The following MAP3K5 variants were observed in gnomAD, a reference collection of about 807,000 sequenced individuals.
MAP3K5 encodes the protein mitogen-activated protein kinase kinase kinase 5.
A neutral mutation model predicts 158.7 loss-of-function variants in MAP3K5; 56 were observed. That is an observed-to-expected ratio of 0.35 (90% CI 0.28 to 0.44). The LOEUF (loss-of-function observed/expected upper bound fraction) is 0.44. Among genes scored for constraint, MAP3K5 ranks in the 20% least tolerant of loss-of-function variants. MAP3K5 has a pLI of 1.00. For synonymous variants in MAP3K5, 579 were observed against 601.7 expected (o/e 0.96, Z 0.55); for missense variants, 1,294 against 1,674.8 (o/e 0.77, Z 3.97).
chr6:136,692,502 T>C (rs556701649), intron 7 of MAP3K5, among the ~76,000 whole-genome samples: 1 of 152,354 alleles, frequency 6.6e-6, no homozygotes, highest in Non-Finnish European at 1.5e-5. Flanking sequence ...GAGTTTATCC[T>C]ATGCGGTGCC....
At chr6:136,585,784 CTATAGG>C (rs1775114477) in intron 23 of MAP3K5, among the ~76,000 whole-genome samples, 1 of 152,154 alleles carries the variant, frequency 6.6e-6, no homozygotes, top group African/African-American at 2.4e-5. Flanking sequence ...AGTGCTGGGA[CTATAGG>C]CATGAGCCAC....
chr6:136,659,443 C>T (rs1457070083), intron 8 of MAP3K5, 65 bp from the exon 9 acceptor site: 1 of 1,448,114 alleles, frequency 6.9e-7, no homozygotes, highest in South Asian at 1.2e-5. Flanking sequence ...CAGGTTTTCA[C>T]TAAAAAGTAA....
chr6:136,760,574 T>C (rs1783703878), intron 1 of MAP3K5, among the ~76,000 whole-genome samples: 1 of 152,226 alleles, frequency 6.6e-6, no homozygotes, highest in African/African-American at 2.4e-5. Flanking sequence ...ATCCATATGT[T>C]GAAATCCTCA....
At chr6:136,750,877 A>T (rs2114921338) in intron 1 of MAP3K5, among the ~76,000 whole-genome samples, 1 of 152,316 alleles carries the variant, frequency 6.6e-6, no homozygotes, top group Middle Eastern at 3.4e-3. Flanking sequence ...ATTCCTACTT[A>T]GTATTTCGGG....
chr6:136,728,801 CTGT>C (rs1185732560), intron 1 of MAP3K5, among the ~76,000 whole-genome samples: 3 of 152,082 alleles, frequency 2.0e-5, no homozygotes, highest in African/African-American at 4.8e-5. Context: ...TGCTGGCTTT[CTGT>C]TGTTGTTGTT....
chr6:136,677,097 T>C (rs1348886078), intron 7 of MAP3K5, among the ~76,000 whole-genome samples: 1 of 150,942 alleles, frequency 6.6e-6, no homozygotes, highest in Non-Finnish European at 1.5e-5. Flanking sequence ...GCTCATTTTG[T>C]TGGTTTTGTA....
At chr6:136,771,567 C>A (rs1784200492) in intron 1 of MAP3K5, among the ~76,000 whole-genome samples, 2 of 152,202 alleles carry the variant, frequency 1.3e-5, no homozygotes, top group South Asian at 4.1e-4. Flanking sequence ...ACCCCTTAAT[C>A]TGCATGCAAT....
intron 25 of MAP3K5, 88 bp from the exon 26 acceptor site, chr6:136,567,962 A>G: frequency 2.2e-6 from 3 of 1,363,756 alleles, no homozygotes; most frequent in Non-Finnish European, 3.0e-6. Context: ...CTCCTGCCCC[A>G]CCGTCAATAA....
chr6:136,659,703 C>A (rs1398338989), intron 8 of MAP3K5, among the ~76,000 whole-genome samples: 1 of 152,084 alleles, frequency 6.6e-6, no homozygotes, highest in Non-Finnish European at 1.5e-5. Context: ...ATAGAGGTTA[C>A]TAGGGACTGG....
chr6:136,696,937 CTG>C (rs1780624450), intron 5 of MAP3K5, among the ~76,000 whole-genome samples: 1 of 152,210 alleles, frequency 6.6e-6, no homozygotes, highest in African/African-American at 2.4e-5. Context: ...GTAGAATAGA[CTG>C]TGTCCACAGG....
At position 136,711,917 on chromosome 6, in the gene MAP3K5, CG is replaced by C. The variant is rs1781326337; in HGVS notation, c.589-6785del. ...CCTTTTACACCTCTGTTATTCATGA[CG>C]GGGGCTAAGAACACATCCTTCTCTT... On this transcript the variant is annotated intron_variant, in intron 2 of 29. Transcript: ENST00000359015. Among the ~76,000 whole-genome samples, 3 of 152,162 alleles carry C rather than the reference CG, an allele frequency of 2.0e-5. No individual in the cohort carries two copies. In the South Asian group the frequency reaches 6.2e-4, roughly 32 times the overall value.
At chr6:136,583,907 C>T (rs1411228269) in intron 23 of MAP3K5, among the ~76,000 whole-genome samples, 167 bp from the exon 24 acceptor site, 1 of 152,100 alleles carries the variant, frequency 6.6e-6, no homozygotes, top group East Asian at 1.9e-4. Flanking sequence ...AAGCGAGCCT[C>T]CCATCACTAC....
chr6:136,622,692 C>T (rs888732287), intron 15 of MAP3K5, among the ~76,000 whole-genome samples, 156 bp downstream of exon 15: 1 of 152,214 alleles, frequency 6.6e-6, no homozygotes, highest in African/African-American at 2.4e-5. Flanking sequence ...GCACTTCAAA[C>T]ACTGAATGAT....
intron 2 of MAP3K5, among the ~76,000 whole-genome samples, chr6:136,714,066 T>C (rs1781422574): frequency 6.6e-6 from 1 of 152,214 alleles, no homozygotes; most frequent in African/African-American, 2.4e-5. Context: ...AAAATTTTAA[T>C]TCCATGCACA....
chr6:136,559,438 C>T (rs1421446890), intron 28 of MAP3K5, among the ~76,000 whole-genome samples: 1 of 152,212 alleles, frequency 6.6e-6, no homozygotes, highest in Non-Finnish European at 1.5e-5. Context: ...TTACAAGTGA[C>T]ACAGAACTTC....
At position 136,689,469 on chromosome 6, in the gene MAP3K5, C is replaced by CA. The variant is rs779134782; in HGVS notation, c.1253+4670dup. Among the ~76,000 whole-genome samples, 2 of 152,108 alleles carry CA rather than the reference C, an allele frequency of 1.3e-5. 1 individual carries two copies. The highest frequency in any genetic ancestry group is 2.9e-5 in the Non-Finnish European group (2 of 68,004). On this transcript the variant is annotated intron_variant, in intron 7 of 29. Transcript: ENST00000359015. ...CTCCTTCTCCCCATTACCCTACTTT[C>CA]AGTTCTTGCTATGGTTTGAATGTTT... is the stretch of plus-strand genomic sequence containing the variant.
At chr6:136,626,512 C>A (rs1376607765) in intron 14 of MAP3K5, among the ~76,000 whole-genome samples, 2 of 152,194 alleles carry the variant, frequency 1.3e-5, no homozygotes, top group African/African-American at 4.8e-5. Flanking sequence ...TGCTCTAACT[C>A]AGAGTTAAAA....
At chr6:136,741,835 T>C (rs1400981183) in intron 1 of MAP3K5, among the ~76,000 whole-genome samples, 1 of 152,150 alleles carries the variant, frequency 6.6e-6, no homozygotes, top group Non-Finnish European at 1.5e-5. Context: ...GTAAATTGCT[T>C]TTCTATATGT....
At chr6:136,731,764 TGGAG>T (rs928434313) in intron 1 of MAP3K5, among the ~76,000 whole-genome samples, 1 of 152,070 alleles carries the variant, frequency 6.6e-6, no homozygotes, top group African/African-American at 2.4e-5. Flanking sequence ...GATGAGGAAA[TGGAG>T]GGAATGAGCC....
Sources: allele counts gnomAD v4.1 joint callset (sites outside exome capture counted in the v4.1 genomes callset), GRCh38; gene constraint gnomAD v4.1.1; transcripts MANE v1.5; gene names NCBI Gene and HGNC (gene_info 2026-07-23, HGNC 2026-07-21).